FOXN3: variants seen among roughly 807,000 people sequenced by gnomAD.
The protein encoded by FOXN3 is forkhead box N3.
A neutral mutation model predicts 38.4 loss-of-function variants in FOXN3; 7 were observed. The observed-to-expected ratio is 0.18, with a 90% CI of 0.10 to 0.34. FOXN3 has a LOEUF of 0.34. FOXN3 is among the 10% of genes least tolerant of loss of function. The pLI is 1.00. For missense variants in FOXN3, 456 were observed against 613.4 expected (o/e 0.74, Z 2.71); for synonymous variants, 230 against 242.2 (o/e 0.95, Z 0.47).
chr14:89,195,608 G>C (rs1471020570), intron 4 of FOXN3, among the ~76,000 whole-genome samples: 1 of 152,168 alleles, frequency 6.6e-6, no homozygotes, highest in Admixed American at 6.5e-5. Context: ...AGATCTCCAG[G>C]AGGGGAGCAG....
intron 3 of FOXN3, among the ~76,000 whole-genome samples, chr14:89,303,933 T>C (rs554778151): frequency 2.2e-4 from 34 of 152,258 alleles, no homozygotes; most frequent in South Asian, 1.0e-3. Context: ...CCTTGTAACT[T>C]TGAAGAAGAG....
intron 1 of FOXN3, among the ~76,000 whole-genome samples, chr14:89,485,928 G>A (rs1399555477): frequency 6.6e-6 from 1 of 152,098 alleles, no homozygotes; most frequent in Non-Finnish European, 1.5e-5. Flanking sequence ...GCCCAACTGA[G>A]GCCCTCCCTG....
chr14:89,201,613 C>G (rs1182517664), intron 4 of FOXN3, among the ~76,000 whole-genome samples: 1 of 152,172 alleles, frequency 6.6e-6, no homozygotes, highest in Non-Finnish European at 1.5e-5. Context: ...CCCCTTGAGA[C>G]CACAGCCAAA....
intron 4 of FOXN3, among the ~76,000 whole-genome samples, chr14:89,202,700 T>C (rs1888265726): frequency 6.6e-6 from 1 of 152,112 alleles, no homozygotes; most frequent in Non-Finnish European, 1.5e-5. Flanking sequence ...GGCACCTCCC[T>C]CCCTTCCCCC....
intron 1 of FOXN3, among the ~76,000 whole-genome samples, chr14:89,546,213 C>T (rs1894876490): frequency 6.6e-6 from 1 of 151,924 alleles, no homozygotes; most frequent in Non-Finnish European, 1.5e-5. Flanking sequence ...TTTTTGCTTC[C>T]TGTAAATAGC....
In FOXN3 at chr14:89,417,199, A is replaced by G. The variant is rs1298337124; in HGVS notation, c.-343T>C. ...GCCGGGGCGCGCCGAGCGGCGAGAA[A>G]TTGTTTCCACTGCAAACAAAAAAAG... On this transcript the variant is annotated 5_prime_UTR_variant, in exon 1 of 6. Coordinates refer to ENST00000557258, the MANE Select transcript of FOXN3 (RefSeq NM_005197.4). 2 of 143,452 alleles carry G rather than the reference A, an allele frequency of 1.4e-5. No homozygotes were observed. The highest frequency in any genetic ancestry group is 6.9e-5 in the Admixed American group (1 of 14,544). The allele number at this position is 143,452 out of a possible 1,614,324, so 8.9% of individuals were successfully genotyped here.
At chr14:89,206,330 C>T (rs1888384694) in intron 4 of FOXN3, among the ~76,000 whole-genome samples, 1 of 152,198 alleles carries the variant, frequency 6.6e-6, no homozygotes, top group Non-Finnish European at 1.5e-5. Context: ...ACGTGGTCTC[C>T]TCTTGTGGAT....
At chr14:89,288,737 T>C (rs1886757763) in intron 3 of FOXN3, among the ~76,000 whole-genome samples, 4 of 30,212 alleles carry the variant, frequency 1.3e-4, no homozygotes, top group Non-Finnish European at 2.3e-4. Context: ...TATATATATA[T>C]ATATATATAT....
chr14:89,380,116 CAT>C (rs1194862113), intron 2 of FOXN3, among the ~76,000 whole-genome samples: 6 of 152,200 alleles, frequency 3.9e-5, no homozygotes, highest in African/African-American at 1.2e-4. Flanking sequence ...ATAATTCCCA[CAT>C]GTCGGGGGAG....
In FOXN3 at chr14:89,162,830, C is replaced by T. The variant is rs1352448249; in HGVS notation, c.991G>A (p.Asp331Asn). 3.7e-6 allele frequency: 6 copies of T among 1,611,858 alleles called. No homozygotes were observed. In the South Asian group the frequency reaches 4.4e-5, roughly 12 times the overall value. Reference protein sequence around the residue: ...SNARSTSPTSDSISSSSSSAD... With the variant: ...SNARSTSPTSNSISSSSSSAD... ...GAGGAGGAGGAGGAGGAGATGGAGTCGCTGGTGGGCGAGGTGCTCCGGGCG... is the reference window on the plus strand; with the variant it reads ...GAGGAGGAGGAGGAGGAGATGGAGTTGCTGGTGGGCGAGGTGCTCCGGGCG... The change falls in exon 6 of 6, where the codon GAC becomes AAC. Residue 331 changes from aspartate to asparagine, a missense_variant. Around this residue, in one of 3 missense-constraint regions of FOXN3, gnomAD observed 386 missense variants for 505.2 expected, o/e 0.76. Transcript: ENST00000557258. This position sits in a 1 kb window ranked among gnomAD's most constrained non-coding sequence, Gnocchi z 7.2.
chr14:89,367,012 G>A (rs2140051705), intron 2 of FOXN3, among the ~76,000 whole-genome samples: 1 of 152,304 alleles, frequency 6.6e-6, no homozygotes, highest in African/African-American at 2.4e-5. Flanking sequence ...GACAGGGTGT[G>A]TGTACTAAGC....
chr14:89,574,894 A>G (rs1266399966), intron 1 of FOXN3, among the ~76,000 whole-genome samples: 2 of 152,050 alleles, frequency 1.3e-5, no homozygotes, highest in Non-Finnish European at 2.9e-5. Context: ...AAAATTGTAA[A>G]TTTCTATTTC....
chr14:89,322,563 G>T (rs1887926713), intron 3 of FOXN3, among the ~76,000 whole-genome samples: 1 of 152,144 alleles, frequency 6.6e-6, no homozygotes, highest in Non-Finnish European at 1.5e-5. Flanking sequence ...AAAAGAGGGA[G>T]CAACATGGTG....
At chr14:89,480,643 A>G (rs1010610301) in intron 1 of FOXN3, among the ~76,000 whole-genome samples, 6 of 152,176 alleles carry the variant, frequency 3.9e-5, no homozygotes, top group African/African-American at 1.4e-4. Context: ...GCTATAGGCA[A>G]CTACACCATT....
chr14:89,574,135 T>C (rs1895550526), intron 1 of FOXN3, among the ~76,000 whole-genome samples: 1 of 152,164 alleles, frequency 6.6e-6, no homozygotes, highest in Non-Finnish European at 1.5e-5. Flanking sequence ...TGGCCACTGT[T>C]TGCAATTATT....
intron 2 of FOXN3, among the ~76,000 whole-genome samples, chr14:89,394,899 A>C (rs1044071576): frequency 2.0e-4 from 31 of 152,224 alleles, no homozygotes; most frequent in Non-Finnish European, 4.4e-4. Flanking sequence ...CAACTAAGGG[A>C]TCTCCTAGAA....
At chr14:89,365,228 A>G (rs1373269888) in intron 2 of FOXN3, among the ~76,000 whole-genome samples, 1 of 152,174 alleles carries the variant, frequency 6.6e-6, no homozygotes, top group Non-Finnish European at 1.5e-5. Context: ...GGAAGCACAC[A>G]TCTGCAGTGT....
rs1566966482 is a variant in FOXN3, at chr14:89,360,780, ACCACCT to A, written c.544-9978_544-9973del. 1.2e-3 allele frequency among the ~76,000 whole-genome samples: 110 copies of A among 90,338 alleles called. 2 individuals carry two copies. Among genetic ancestry groups the A allele is most frequent in the Non-Finnish European group, 2.0e-3 (92 of 45,758 alleles). 59.3% of individuals were successfully genotyped at this position (90,338 alleles called of 152,430 possible). A position where few individuals can be genotyped will look rare whatever the true frequency, so the allele number is the denominator to read the frequency against. On this transcript the variant is annotated intron_variant, in intron 2 of 5. Transcript: ENST00000557258. Reference sequence around the variant, plus strand: ...CACCTCCACCACTACCACCTCCACCACCACCTCCACCACCACCACCTCCAGCACCAC... The same window carrying A: ...CACCTCCACCACTACCACCTCCACCACCACCACCACCACCTCCAGCACCAC...
intron 1 of FOXN3, among the ~76,000 whole-genome samples, chr14:89,521,883 G>T (rs1246199451): frequency 1.3e-5 from 2 of 152,058 alleles, no homozygotes; most frequent in Non-Finnish European, 2.9e-5. Context: ...TGGGCATGGT[G>T]GTGCACACCT....
Sources: allele counts gnomAD v4.1 joint callset (sites outside exome capture counted in the v4.1 genomes callset), GRCh38; gene constraint gnomAD v4.1.1; regional missense constraint gnomAD v4.1.1; non-coding constraint Gnocchi (gnomAD v3.1); transcripts MANE v1.5; gene names NCBI Gene and HGNC (gene_info 2026-07-23, HGNC 2026-07-21).